SPAG5: variants seen among roughly 807,000 people sequenced by gnomAD.
SPAG5 encodes the protein sperm-associated antigen 5.
SPAG5 carries 99 observed loss-of-function variants against 145.4 expected under a neutral mutation model. That is an observed-to-expected ratio of 0.68 (90% CI 0.58 to 0.80). The LOEUF (loss-of-function observed/expected upper bound fraction) is 0.80, where lower values mean the gene tolerates loss of function less well. Ranked by LOEUF, SPAG5 falls within the 30% of genes least tolerant of loss-of-function variation. The probability of loss-of-function intolerance (pLI) is 0.00; values close to 1 mark genes in which losing one functional copy is unlikely to be tolerated. For missense variants in SPAG5, 1,192 were observed against 1,416.0 expected (o/e 0.84, Z 2.54); for synonymous variants, 477 against 525.4 (o/e 0.91, Z 1.26).
rs143317519 is a variant in SPAG5, at chr17:28,585,882, A to G, written c.1722T>C (p.Ala574=). ...ACCTTACCGCATCCTTGCCTCTGAGAGCCATTTCCTCTCTGTGCCTTGCCT... is the reference window on the plus strand; with the variant it reads ...ACCTTACCGCATCCTTGCCTCTGAGGGCCATTTCCTCTCTGTGCCTTGCCT... ...REEARHREEM[A]LRGKDAAEIV... Residue 574 remains alanine, a synonymous_variant, in exon 7 of 24, where the codon GCT becomes GCC. Transcript: ENST00000321765. 1 of 1,614,180 alleles carries G rather than the reference A, an allele frequency of 6.2e-7. No individual in the cohort carries two copies. Among genetic ancestry groups the G allele is most frequent in the African/African-American group, 1.3e-5 (1 of 75,044 alleles).
At chr17:28,586,345 C>T in intron 5 of SPAG5, 80 bp downstream of exon 5, 1 of 1,279,434 alleles carries the variant, frequency 7.8e-7, no homozygotes, top group South Asian at 1.2e-5. Context: ...TTAGTATCAC[C>T]ATCTACTAAC....
At chr17:28,594,668 T>C (rs1279530431) in intron 2 of SPAG5, among the ~76,000 whole-genome samples, 1 of 152,140 alleles carries the variant, frequency 6.6e-6, no homozygotes, top group Non-Finnish European at 1.5e-5. Context: ...AAACCAAGGT[T>C]AGGTTAAAAA....
At chr17:28,593,297 GA>G (rs1336838439) in intron 2 of SPAG5, among the ~76,000 whole-genome samples, 1 of 152,220 alleles carries the variant, frequency 6.6e-6, no homozygotes, top group Non-Finnish European at 1.5e-5. Context: ...TAAACAGGCT[GA>G]GAATATAGAT....
Position 28,593,052 on chromosome 17 carries a change from G to A in SPAG5, c.192C>T (p.Asn64=). 1 of 1,613,034 alleles carries A rather than the reference G, an allele frequency of 6.2e-7. No individual in the cohort carries two copies. Among genetic ancestry groups the A allele is most frequent in the East Asian group, 2.2e-5 (1 of 44,858 alleles). The change falls in exon 3 of 24, where the codon AAC becomes AAT. Residue 64 remains asparagine (N), a synonymous_variant. Transcript: ENST00000321765. ...TATTTACAAAATCCACTGGAGATGA[G>A]TTGTTGCTGCCTTCCTGCCAAAGGA... ...CKLGLQEGSN[N]SSPVDFVNNK...
At chr17:28,587,484 G>A (rs965937001) in intron 4 of SPAG5, among the ~76,000 whole-genome samples, 3 of 151,894 alleles carry the variant, frequency 2.0e-5, no homozygotes, top group African/African-American at 7.3e-5. Flanking sequence ...AGGCAAGGTT[G>A]CAGTGAGCCG....
At chr17:28,583,420 TCA>T (rs2070561139) in intron 15 of SPAG5, 89 bp downstream of exon 15, 33 of 1,390,132 alleles carry the variant, frequency 2.4e-5, no homozygotes, top group Non-Finnish European at 2.9e-5. Context: ...TCATAAAAGG[TCA>T]CAGTTAGAAA....
At chr17:28,591,939 G>C in intron 3 of SPAG5, 43 bp downstream of exon 3, 1 of 1,610,810 alleles carries the variant, frequency 6.2e-7, no homozygotes, top group Non-Finnish European at 8.5e-7. Flanking sequence ...GGAAGGTCCA[G>C]GGTAATGGAA....
Position 28,598,902 on chromosome 17 carries a change from G to C in SPAG5, c.45C>G (p.Pro15=), listed in dbSNP as rs774337731. 2 of 1,613,762 alleles carry C rather than the reference G, an allele frequency of 1.2e-6. No homozygotes were observed. Among genetic ancestry groups the C allele is most frequent in the African/African-American group, 2.7e-5 (2 of 74,832 alleles). ...CCAGAGATCTCCCGCTTACCGTCTG[G>C]GGCGAAGGCGACAGGCTGAGGCTCA... ...KKLSLSLSPS[P]QTGKPSMRTP... The change falls in exon 1 of 24, where the codon CCC becomes CCG. Residue 15 remains proline, a synonymous_variant. Coordinates refer to ENST00000321765, the MANE Select transcript of SPAG5 (RefSeq NM_006461.4).
rs886523737 is a variant in SPAG5 at position 28,583,733 on chromosome 17, A to T, written c.2547-84T>A. On this transcript the variant is annotated intron_variant, in intron 14 of 23. Coordinates refer to ENST00000321765, the MANE Select transcript of SPAG5 (RefSeq NM_006461.4). ...CCCAAATCCCCACAGAGCTGCATTA[A>T]AGGAGAGAAACAAGAGGCTCAACAC... 1.9e-6 allele frequency: 3 copies of T among 1,544,124 alleles called. No individual in the cohort carries two copies. The African/African-American group carries it at 4.1e-5, about 21-fold the overall frequency.
In SPAG5 at chr17:28,583,867, AGT is replaced by A; in HGVS notation, c.2530_2531del (p.Thr844CysfsTer7). The A allele has an allele frequency of 6.2e-7, 1 of 1,613,876 alleles. No individual in the cohort carries two copies. The highest frequency in any genetic ancestry group is 8.5e-7 in the Non-Finnish European group (1 of 1,179,796). On this transcript the variant is annotated frameshift_variant, in exon 14 of 24. Transcript: ENST00000321765. LOFTEE classifies it high-confidence loss of function. ...AGAGAACTTACGTTAGGTTCTCTAC[AGT>A]GTCCTTGAGGTTCTCACACTGCAAG... ...RSLQCENLKDTVENLTAKLAS... is the reference protein window; with the variant it reads ...RSLQCENLKDXVENLTAKLAS...
rs2070523643 is a variant in SPAG5, at chr17:28,578,460, G to A, written c.3267C>T (p.Leu1089=). The part of the protein sequence containing the change: ...LRRAETETKV[L]QEALAGQLDS... ...CCAGCTGGCCTGCCAGGGCCTCCTG[G>A]AGCACTTTGGTCTCTGTCTCCGCAC... The change falls in exon 21 of 24, where the codon CTC becomes CTT. Residue 1089 remains leucine, a synonymous_variant. Transcript: ENST00000321765. 2.5e-6 allele frequency: 4 copies of A among 1,613,826 alleles called. No homozygotes were observed. The East Asian group carries it at 8.9e-5, about 36-fold the overall frequency.
intron 4 of SPAG5, among the ~76,000 whole-genome samples, chr17:28,588,812 G>A (rs1450804948): frequency 1.3e-5 from 2 of 152,072 alleles, no homozygotes; most frequent in Non-Finnish European, 2.9e-5. Context: ...CACCCAAGTA[G>A]CTGGGATTAC....
Position 28,584,432 on chromosome 17 carries a change from T to C in SPAG5, c.2210A>G (p.Lys737Arg). The change falls in exon 12 of 24, where the codon AAA becomes AGA. Residue 737 changes from lysine (K) to arginine (R), a missense_variant. By Grantham distance (26) the Lys-to-Arg change is conservative. Around this residue, in one of 5 missense-constraint regions of SPAG5, gnomAD observed 709 missense variants for 840.7 expected, o/e 0.84. Coordinates refer to ENST00000321765, the MANE Select transcript of SPAG5 (RefSeq NM_006461.4). ...QILANMDSQL[K>R]ELQSQHTHCA... ...ATGGGTATGCTGACTCTGTAGCTCT[T>C]TTAGCTGGCTGTCCATGTTGGCCAG... 11 of 1,614,104 alleles carry C rather than the reference T, an allele frequency of 6.8e-6. No homozygotes were observed. Among genetic ancestry groups the C allele is most frequent in the Non-Finnish European group, 9.3e-6 (11 of 1,180,030 alleles).
chr17:28,579,314 A>G (rs370012367), intron 18 of SPAG5, 51 bp downstream of exon 18: 22 of 1,613,780 alleles, frequency 1.4e-5, no homozygotes, highest in Non-Finnish European at 1.8e-5. Flanking sequence ...GACCCTTGGC[A>G]TAAGAGGATG....
intron 1 of SPAG5, 60 bp downstream of exon 1, chr17:28,598,836 G>A: frequency 6.3e-7 from 1 of 1,590,082 alleles, no homozygotes; most frequent in East Asian, 2.2e-5. Context: ...AGTAGACACG[G>A]CCGGTGCCCC....
At position 28,583,572 on chromosome 17, in the gene SPAG5, C is replaced by G. The variant is rs1230961680; in HGVS notation, c.2624G>C (p.Gly875Ala). ...EKTRQYSQKL[G>A]LLTEQLQSLT... ...GCTCTGTAGTTGCTCAGTCAGCAGC[C>G]CTAGCTTTTGAGAGTACTGCCGTGT... The change falls in exon 15 of 24, where the codon GGG (glycine) becomes GCG (alanine). Residue 875 changes from glycine to alanine, a missense_variant. This residue lies in a region of SPAG5 where 709 missense variants were observed against 840.7 expected (regional missense o/e 0.84). Transcript: ENST00000321765. The G allele has an allele frequency of 6.2e-7, 1 of 1,613,712 alleles. No individual in the cohort carries two copies. The highest frequency in any genetic ancestry group is 8.5e-7 in the Non-Finnish European group (1 of 1,179,920).
intron 5 of SPAG5, 103 bp downstream of exon 5, chr17:28,586,322 T>A: frequency 8.1e-7 from 1 of 1,234,826 alleles, no homozygotes; most frequent in Non-Finnish European, 1.2e-6. Flanking sequence ...AAACCTCCCT[T>A]CACCACCACG....
intron 4 of SPAG5, among the ~76,000 whole-genome samples, chr17:28,590,884 A>AG (rs1567626021): frequency 6.6e-6 from 1 of 151,098 alleles, no homozygotes; most frequent in African/African-American, 2.4e-5. Flanking sequence ...AAAAAAAAAA[A>AG]AAAAAAAAAC....
In SPAG5 at chr17:28,579,387, T is replaced by A. The variant is rs758307725; in HGVS notation, c.2983A>T (p.Ile995Phe). 16 of 1,614,110 alleles carry A rather than the reference T, an allele frequency of 9.9e-6. No individual in the cohort carries two copies. The highest frequency in any genetic ancestry group is 1.7e-5 in the Admixed American group (1 of 60,004). Residue 995 changes from isoleucine (I) to phenylalanine (F), a missense_variant, in exon 18 of 24, where the codon ATC becomes TTC. Around this residue, in one of 5 missense-constraint regions of SPAG5, gnomAD observed 709 missense variants for 840.7 expected, o/e 0.84. Transcript: ENST00000321765. ...CACATTTTTCGCTGCAGAGTCCTGA[T>A]GGCTTCTTCTTTAGACTCTTGTAGC... The part of the protein sequence containing the change: ...SLLQESKEEA[I>F]RTLQRKICEL...
Sources: allele counts gnomAD v4.1 joint callset (sites outside exome capture counted in the v4.1 genomes callset), GRCh38; gene constraint gnomAD v4.1.1; regional missense constraint gnomAD v4.1.1; transcripts MANE v1.5; gene names NCBI Gene and HGNC (gene_info 2026-07-23, HGNC 2026-07-21).